The following HHAT variants were observed in gnomAD, a reference collection of about 807,000 sequenced individuals.
HHAT encodes the protein protein-cysteine N-palmitoyltransferase HHAT.
Under a neutral mutation model 70.8 loss-of-function variants are expected in HHAT, and 47 were observed. That is an observed-to-expected ratio of 0.66 (90% CI 0.53 to 0.85). The LOEUF (loss-of-function observed/expected upper bound fraction) is 0.85. HHAT is among the 40% of genes least tolerant of loss of function. The pLI is 0.00. For missense variants in HHAT, 609 were observed against 604.8 expected, an observed-to-expected ratio of 1.01 and a Z score of -0.07; for synonymous variants, 228 against 247.6, an observed-to-expected ratio of 0.92 and a Z score of 0.74.
chr1:210,430,776 G>T (rs2093220412), intron 7 of HHAT, among the ~76,000 whole-genome samples: 1 of 151,590 alleles, frequency 6.6e-6, no homozygotes, highest in South Asian at 2.1e-4. Flanking sequence ...TTTGATATTT[G>T]GTTAAATTCT....
chr1:210,635,524 G>C (rs1671710196), intron 11 of HHAT, among the ~76,000 whole-genome samples: 1 of 152,116 alleles, frequency 6.6e-6, no homozygotes, highest in South Asian at 2.1e-4. Context: ...GGGAGGCGGT[G>C]GGAAAGATGA....
chr1:210,350,449 C>A (rs568923852), intron 2 of HHAT, among the ~76,000 whole-genome samples: 5 of 152,270 alleles, frequency 3.3e-5, no homozygotes, highest in Admixed American at 1.3e-4. Flanking sequence ...TGATTTCTTT[C>A]ATGAGAGTTT....
At chr1:210,428,699 A>G (rs2093152463) in intron 7 of HHAT, among the ~76,000 whole-genome samples, 1 of 151,746 alleles carries the variant, frequency 6.6e-6, no homozygotes, top group African/African-American at 2.4e-5. Flanking sequence ...TTCGTGGGCC[A>G]GGTGTGGTGG....
intron 1 of HHAT, among the ~76,000 whole-genome samples, chr1:210,348,725 G>T (rs989765188): frequency 2.4e-5 from 3 of 125,402 alleles, no homozygotes; most frequent in Non-Finnish European, 4.9e-5. Flanking sequence ...CACATGTGTG[G>T]TGTATGTGTG....
intron 10 of HHAT, among the ~76,000 whole-genome samples, chr1:210,608,913 C>T (rs1479807210): frequency 1.3e-5 from 2 of 152,006 alleles, no homozygotes; most frequent in Non-Finnish European, 2.9e-5. Context: ...ACAATCATGG[C>T]GGAAGGCGAA....
At chr1:210,456,663 T>A (rs1335116808) in intron 7 of HHAT, among the ~76,000 whole-genome samples, 2 of 152,178 alleles carry the variant, frequency 1.3e-5, no homozygotes, top group Non-Finnish European at 2.9e-5. Context: ...TTCTGACCAT[T>A]TGTCCTTCAG....
At chr1:210,509,533 T>C (rs1333767014) in intron 8 of HHAT, among the ~76,000 whole-genome samples, 1 of 152,236 alleles carries the variant, frequency 6.6e-6, no homozygotes, top group Non-Finnish European at 1.5e-5. Context: ...AACCTCTCTA[T>C]GCTTCTGTTT....
chr1:210,467,620 T>C (rs892650723), intron 8 of HHAT, among the ~76,000 whole-genome samples: 1 of 152,230 alleles, frequency 6.6e-6, no homozygotes, highest in Non-Finnish European at 1.5e-5. Context: ...TGCAAATTAT[T>C]CTGCTGGGTC....
intron 9 of HHAT, among the ~76,000 whole-genome samples, chr1:210,574,051 A>T (rs1657035830): frequency 6.6e-6 from 1 of 152,218 alleles, no homozygotes; most frequent in Admixed American, 6.5e-5. Flanking sequence ...TGTGTTGCAG[A>T]TATTGATGTA....
intron 7 of HHAT, among the ~76,000 whole-genome samples, chr1:210,442,952 C>G (rs1362392584): frequency 1.3e-5 from 2 of 151,976 alleles, no homozygotes; most frequent in Non-Finnish European, 2.9e-5. Flanking sequence ...ATGGTAATGC[C>G]TAGGTTTTCT....
chr1:210,415,322 A>G (rs1419841658), intron 6 of HHAT, among the ~76,000 whole-genome samples: 2 of 152,214 alleles, frequency 1.3e-5, no homozygotes, highest in African/African-American at 2.4e-5. Context: ...ATCTGCTGCC[A>G]TAGACTTCGT....
intron 9 of HHAT, among the ~76,000 whole-genome samples, chr1:210,541,498 C>T (rs1203072660): frequency 2.0e-5 from 3 of 152,026 alleles, no homozygotes; most frequent in Admixed American, 6.6e-5. Flanking sequence ...GAGGCTGAGG[C>T]GGCAGATCAC....
At chr1:210,603,822 C>T (rs571054195) in intron 10 of HHAT, among the ~76,000 whole-genome samples, 97 of 152,280 alleles carry the variant, frequency 6.4e-4, no homozygotes, top group African/African-American at 2.1e-3. Context: ...AAAAGCCTTT[C>T]GAGCAGCTGC....
rs146791970 is a variant in HHAT, at chr1:210,408,669, A to C, written c.684+3990A>C. On this transcript the variant is annotated intron_variant, in intron 6 of 11. Coordinates refer to ENST00000261458, the MANE Select transcript of HHAT (RefSeq NM_018194.6). ...GTTCCATCTATTTGAAGAGAGACCC[A>C]GGCAGCTGCTGCAGGAAAGGGATGG... 1.2e-4 allele frequency among the ~76,000 whole-genome samples: 18 copies of C among 152,318 alleles called. No homozygotes were observed. The East Asian group carries it at 3.5e-3, about 29-fold the overall frequency.
intron 10 of HHAT, chr1:210,588,444 T>C: frequency 5.0e-6 from 1 of 198,472 alleles, no homozygotes; most frequent in Non-Finnish European, 1.0e-5. Flanking sequence ...GTATATAACA[T>C]TAAAACAAAT....
intron 9 of HHAT, among the ~76,000 whole-genome samples, chr1:210,571,691 A>G (rs1024496072): frequency 5.9e-5 from 9 of 152,216 alleles, no homozygotes; most frequent in Admixed American, 5.9e-4. Context: ...GTGAAATGCC[A>G]TCAGTACGGT....
intron 10 of HHAT, among the ~76,000 whole-genome samples, chr1:210,610,800 G>A (rs1666422526): frequency 6.6e-6 from 1 of 152,024 alleles, no homozygotes; most frequent in Non-Finnish European, 1.5e-5. Flanking sequence ...TTTTTGTCAG[G>A]TTTGTTGGAG....
At chr1:210,366,510 A>G (rs1186465827) in intron 3 of HHAT, among the ~76,000 whole-genome samples, 1 of 152,144 alleles carries the variant, frequency 6.6e-6, no homozygotes, top group Non-Finnish European at 1.5e-5. Flanking sequence ...CAGCTACTCC[A>G]GGGACTGAGA....
chr1:210,622,185 T>G (rs1029317902), intron 10 of HHAT, among the ~76,000 whole-genome samples: 3 of 152,150 alleles, frequency 2.0e-5, no homozygotes, highest in Non-Finnish European at 4.4e-5. Flanking sequence ...TGTCATTGAG[T>G]CATTCCGAGT....
Sources: allele counts gnomAD v4.1 joint callset (sites outside exome capture counted in the v4.1 genomes callset), GRCh38; gene constraint gnomAD v4.1.1; transcripts MANE v1.5; gene names NCBI Gene and HGNC (gene_info 2026-07-23, HGNC 2026-07-21).